The following NUAK1 variants were observed in gnomAD, a reference collection of about 807,000 sequenced individuals.
NUAK1 encodes the protein NUAK family SNF1-like kinase 1.
Under a neutral mutation model 56.9 loss-of-function variants are expected in NUAK1, and 26 were observed. The ratio of observed to expected loss-of-function variants is 0.46; its 90% CI spans 0.33 to 0.63. The LOEUF (loss-of-function observed/expected upper bound fraction) is 0.63, where lower values mean the gene tolerates loss of function less well. Ranked by LOEUF, NUAK1 falls within the 30% of genes least tolerant of loss-of-function variation. NUAK1 has a pLI of 0.02. For missense variants in NUAK1, 727 were observed against 876.1 expected (o/e 0.83, Z 2.15); for synonymous variants, 337 against 336.0 (o/e 1.00, Z -0.03).
intron 1 of NUAK1, among the ~76,000 whole-genome samples, chr12:106,111,583 C>A (rs2032860086): frequency 6.6e-6 from 1 of 151,952 alleles, no homozygotes; most frequent in African/African-American, 2.4e-5. Flanking sequence ...AGGAGTCACC[C>A]ATGCATCTTG....
Position 106,073,804 on chromosome 12 carries a change from C to A in NUAK1, c.580-961G>T, listed in dbSNP as rs189024966. Among the ~76,000 whole-genome samples, 3 of 151,540 alleles carry A rather than the reference C, an allele frequency of 2.0e-5. 1 individual carries two copies. Among genetic ancestry groups the A allele is most frequent in the Admixed American group, 2.0e-4 (3 of 15,236 alleles). On this transcript the variant is annotated intron_variant, in intron 4 of 6. Transcript: ENST00000261402. Reference sequence around the variant, plus strand: ...CTGCACTCCAGCCTGGGCGACAAAGCGAGATTCAATCTCAAAAAAAAAAAT... The same window carrying A: ...CTGCACTCCAGCCTGGGCGACAAAGAGAGATTCAATCTCAAAAAAAAAAAT...
intron 1 of NUAK1, among the ~76,000 whole-genome samples, chr12:106,109,455 A>T (rs1160438131): frequency 6.6e-6 from 1 of 150,954 alleles, no homozygotes; most frequent in East Asian, 2.0e-4. Context: ...TCTTCTCTGG[A>T]GCATTTCACA....
intron 2 of NUAK1, among the ~76,000 whole-genome samples, chr12:106,087,417 T>C (rs1487634824): frequency 6.6e-6 from 1 of 152,172 alleles, no homozygotes; most frequent in Non-Finnish European, 1.5e-5. Context: ...TCAGCCCTAC[T>C]ACACACCCAT....
chr12:106,074,119 T>A (rs993960149), intron 4 of NUAK1, among the ~76,000 whole-genome samples: 4 of 152,174 alleles, frequency 2.6e-5, no homozygotes, highest in African/African-American at 9.7e-5. Flanking sequence ...GTTGGCAGGT[T>A]CCACATCCTC....
chr12:106,069,575 G>A (rs2136455598), intron 6 of NUAK1, among the ~76,000 whole-genome samples: 1 of 152,234 alleles, frequency 6.6e-6, no homozygotes, highest in East Asian at 1.9e-4. Flanking sequence ...TAATAATATA[G>A]ATTAAATAAG....
chr12:106,086,902 G>A lies in NUAK1; in HGVS notation c.362-17C>T, dbSNP rs2032577257. The A allele has an allele frequency of 1.2e-6, 2 of 1,604,754 alleles. No homozygotes were observed. The highest frequency in any genetic ancestry group is 1.7e-6 in the Non-Finnish European group (2 of 1,172,446). ...TCTCAAACACTGCAGAGGGAAAACA[G>A]CAATACACAAACACCCCGTTTAGCC... is the stretch of plus-strand genomic sequence containing the variant. On this transcript the variant is annotated splice_polypyrimidine_tract_variant and intron_variant, in intron 2 of 6. Transcript: ENST00000261402.
intron 1 of NUAK1, among the ~76,000 whole-genome samples, chr12:106,118,861 T>G (rs769650410): frequency 2.0e-5 from 3 of 152,244 alleles, no homozygotes; most frequent in Non-Finnish European, 4.4e-5. Flanking sequence ...CCGGCTCTAA[T>G]GTGAGCATCC....
Position 106,067,984 on chromosome 12 carries a change from G to A in NUAK1, c.833-29C>T. ...AGGGACAAGGGACAAAAAGAATCGG[G>A]CATTATGTGGGAGCTTCTGGCTTTG... On this transcript the variant is annotated intron_variant, in intron 6 of 6. Coordinates refer to ENST00000261402, the MANE Select transcript of NUAK1 (RefSeq NM_014840.3). The surrounding 1 kb of genome is among the most constrained non-coding windows in gnomAD (Gnocchi z 6.0). 1 of 1,565,898 alleles carries A rather than the reference G, an allele frequency of 6.4e-7. No individual in the cohort carries two copies.
At chr12:106,132,575 C>G (rs1468789743) in intron 1 of NUAK1, among the ~76,000 whole-genome samples, 2 of 152,168 alleles carry the variant, frequency 1.3e-5, no homozygotes, top group Non-Finnish European at 2.9e-5. Context: ...AACCAGCTTA[C>G]CCCTCAAAGC....
intron 3 of NUAK1, among the ~76,000 whole-genome samples, chr12:106,084,748 G>A (rs961814934): frequency 1.4e-5 from 2 of 140,770 alleles, no homozygotes; most frequent in Admixed American, 7.0e-5. Context: ...TTTAAGACCC[G>A]ATTATCTTTT....
In NUAK1 at chr12:106,083,023, G is replaced by A. The variant is rs11836353; in HGVS notation, c.579+841C>T. Among the ~76,000 whole-genome samples, 349 of 152,252 alleles carry A rather than the reference G, an allele frequency of 2.3e-3. 2 individuals carry two copies. The highest frequency in any genetic ancestry group is 8.0e-3 in the African/African-American group (331 of 41,560). On this transcript the variant is annotated intron_variant, in intron 4 of 6. Coordinates refer to ENST00000261402, the MANE Select transcript of NUAK1 (RefSeq NM_014840.3). ...AACCGTATTTGCTTATTTTGTAGAC[G>A]TGGTCAAAAGGACATTCAGAGGGCT...
rs750282411 is a variant in NUAK1 at position 106,075,013 on chromosome 12, C to T, written c.580-2170G>A. Among the ~76,000 whole-genome samples the T allele has an allele frequency of 1.6e-4, 25 of 152,296 alleles. No homozygotes were observed. The Middle Eastern group carries it at 0.02, about 124-fold the overall frequency. ...TCTTCCCGCCTGGCAGTGCCTGGGG[C>T]ACCATATGAGCTTCCAAATACACGT... is the stretch of plus-strand genomic sequence containing the variant. On this transcript the variant is annotated intron_variant, in intron 4 of 6. Transcript: ENST00000261402.
rs2032327193 is a variant in NUAK1, at chr12:106,065,482, C to T, written c.*1320G>A. On this transcript the variant is annotated 3_prime_UTR_variant, in exon 7 of 7. Coordinates refer to ENST00000261402, the MANE Select transcript of NUAK1 (RefSeq NM_014840.3). ...TAAATGAATGGAACTTTCTCTTCCC[C>T]CAAAGCCCAGGAGTTCATGGCAAAG... 6.6e-6 allele frequency: 1 copy of T among 152,116 alleles called. No individual in the cohort carries two copies. The highest frequency in any genetic ancestry group is 2.1e-4 in the South Asian group (1 of 4,822). 9.4% of individuals were successfully genotyped at this position (152,116 alleles called of 1,614,324 possible). A position where few individuals can be genotyped will look rare whatever the true frequency, so the allele number is the denominator to read the frequency against.
intron 1 of NUAK1, among the ~76,000 whole-genome samples, chr12:106,133,058 T>C (rs2033094819): frequency 6.6e-6 from 1 of 152,194 alleles, no homozygotes; most frequent in South Asian, 2.1e-4. Context: ...TAGCATGTTA[T>C]AAGCACTCAA....
chr12:106,070,047 C>T (rs2032389005), intron 6 of NUAK1, among the ~76,000 whole-genome samples: 1 of 152,108 alleles, frequency 6.6e-6, no homozygotes, highest in South Asian at 2.1e-4. Flanking sequence ...GACACTCTCT[C>T]AAGAAAAATT....
chr12:106,109,555 GAAAAAA>G (rs5800702), intron 1 of NUAK1, among the ~76,000 whole-genome samples: 27 of 123,520 alleles, frequency 2.2e-4, no homozygotes, highest in Non-Finnish European at 4.4e-4. Flanking sequence ...GGTTGTTAAG[GAAAAAA>G]AAAAAAAAAA....
chr12:106,127,203 T>C (rs1328955147), intron 1 of NUAK1, among the ~76,000 whole-genome samples: 2 of 152,208 alleles, frequency 1.3e-5, no homozygotes, highest in African/African-American at 2.4e-5. Flanking sequence ...CTTGCTCTGT[T>C]GCCCAGGCTG....
At position 106,083,836 on chromosome 12, in the gene NUAK1, A is replaced by C. The variant is rs114598648; in HGVS notation, c.579+28T>G. 2,068 of 1,606,696 alleles carry C rather than the reference A, an allele frequency of 1.3e-3. 20 individuals carry two copies. In the African/African-American group the frequency reaches 0.025, roughly 19 times the overall value. On this transcript the variant is annotated intron_variant, in intron 4 of 6. Transcript: ENST00000261402. Reference sequence around the variant, plus strand: ...TCCGGCTGCAAGACCCAGGCCCTGCATATCAATCGACGACGCAAGGGCTTT... The same window carrying C: ...TCCGGCTGCAAGACCCAGGCCCTGCCTATCAATCGACGACGCAAGGGCTTT...
At chr12:106,099,999 C>T (rs1168701823) in intron 2 of NUAK1, among the ~76,000 whole-genome samples, 3 of 144,502 alleles carry the variant, frequency 2.1e-5, no homozygotes, top group Non-Finnish European at 4.6e-5. Context: ...ACCATGTTGC[C>T]CAGGCTGGTC....
Sources: gnomAD v4.1 joint callset for allele counts (sites outside exome capture counted in the v4.1 genomes callset) on GRCh38, gnomAD v4.1.1 for gene constraint, Gnocchi (gnomAD v3.1) non-coding constraint, MANE v1.5 for transcripts, NCBI Gene and HGNC (gene_info 2026-07-23, HGNC 2026-07-21) for gene names.